The following LINGO2 variants were observed in gnomAD, a reference collection of about 807,000 sequenced individuals.
LINGO2 encodes the protein leucine-rich repeat and immunoglobulin-like domain-containing nogo receptor-interacting protein 2.
A neutral mutation model predicts 30.6 loss-of-function variants in LINGO2; 14 were observed. The ratio of observed to expected loss-of-function variants is 0.46; its 90% CI spans 0.30 to 0.72. LINGO2 has a LOEUF of 0.72. LINGO2 is among the 30% of genes least tolerant of loss of function. The pLI, the probability that LINGO2 is intolerant of heterozygous loss-of-function variation, is 0.07. For synonymous variants in LINGO2, 317 were observed against 288.5 expected (o/e 1.10, Z -1.00); for missense variants, 729 against 751.7 (o/e 0.97, Z 0.35).
At chr9:28,761,681 G>A in the LINGO2 span, among the ~76,000 whole-genome samples, 16 of 151,916 alleles carry the variant, frequency 1.1e-4, no homozygotes, top group Non-Finnish European at 2.2e-4. Context: ...ATCTTATAGT[G>A]ATAACCTTAT....
At chr9:29,180,308 A>G in the LINGO2 span, among the ~76,000 whole-genome samples, 117 of 152,330 alleles carry the variant, frequency 7.7e-4, no homozygotes, top group Admixed American at 1.5e-3. Context: ...GAATGCATAT[A>G]TGCATCTATT....
chr9:28,267,718 C>T (rs1324391719), intron 4 of LINGO2, among the ~76,000 whole-genome samples: 1 of 151,940 alleles, frequency 6.6e-6, no homozygotes, highest in Non-Finnish European at 1.5e-5. Context: ...GGACTTTCTT[C>T]GTACGCCAAA....
At chr9:28,025,020 T>C (rs1255549084) in intron 4 of LINGO2, among the ~76,000 whole-genome samples, 1 of 152,212 alleles carries the variant, frequency 6.6e-6, no homozygotes, top group East Asian at 1.9e-4. Context: ...TCAAAGGCAG[T>C]AATCATTTCA....
chr9:29,114,808 G>T, the LINGO2 span, among the ~76,000 whole-genome samples: 5 of 151,598 alleles, frequency 3.3e-5, no homozygotes, highest in East Asian at 9.7e-4. Flanking sequence ...TACCATTGTT[G>T]GACATTTGGG....
chr9:28,673,046 AGTT>A (rs920288195), upstream of LINGO2, among the ~76,000 whole-genome samples: 1 of 152,136 alleles, frequency 6.6e-6, no homozygotes, highest in African/African-American at 2.4e-5. Flanking sequence ...TGAATAAAGA[AGTT>A]GGGTGAAATG....
chr9:28,246,940 G>T lies in LINGO2; in HGVS notation c.-87+48268C>A, dbSNP rs184174553. ...AAACAAACAACCCTTTTTCAAAGTGGGCAAAGGATATGAACAGACACTTCT... is the reference window on the plus strand; with the variant it reads ...AAACAAACAACCCTTTTTCAAAGTGTGCAAAGGATATGAACAGACACTTCT... On this transcript the variant is annotated intron_variant, in intron 4 of 5. Transcript: ENST00000379992. 1.7e-4 allele frequency among the ~76,000 whole-genome samples: 26 copies of T among 152,060 alleles called. No individual in the cohort carries two copies. In the East Asian group the frequency reaches 5.0e-3, roughly 29 times the overall value.
chr9:28,671,729 T>G (rs956614688), upstream of LINGO2, among the ~76,000 whole-genome samples: 1 of 151,842 alleles, frequency 6.6e-6, no homozygotes, highest in South Asian at 2.1e-4. Context: ...AAGAAGCCCA[T>G]GTGACACGCA....
At chr9:28,292,771 T>C (rs926817908) in intron 4 of LINGO2, among the ~76,000 whole-genome samples, 2 of 150,804 alleles carry the variant, frequency 1.3e-5, no homozygotes, top group East Asian at 2.0e-4. Flanking sequence ...GCCCTGATTT[T>C]TTTCTTTCTT....
the LINGO2 span, among the ~76,000 whole-genome samples, chr9:28,691,736 A>G: frequency 6.6e-6 from 1 of 152,162 alleles, no homozygotes. Flanking sequence ...TCATATCTCC[A>G]TGTAGACTTT....
the LINGO2 span, among the ~76,000 whole-genome samples, chr9:29,011,037 GAAC>G: frequency 6.6e-6 from 1 of 152,088 alleles, no homozygotes; most frequent in Non-Finnish European, 1.5e-5. Flanking sequence ...TGTAGAATGG[GAAC>G]AACATTTATC....
intron 1 of LINGO2, among the ~76,000 whole-genome samples, chr9:28,659,063 A>G (rs964982518): frequency 1.8e-4 from 27 of 152,162 alleles, no homozygotes; most frequent in African/African-American, 6.3e-4. Flanking sequence ...TAGGTCTAAA[A>G]TTATGCTACA....
intron 4 of LINGO2, among the ~76,000 whole-genome samples, chr9:28,052,951 T>C (rs1415487828): frequency 6.7e-6 from 1 of 149,036 alleles, no homozygotes; most frequent in Non-Finnish European, 1.5e-5. Context: ...ATTTAAGACA[T>C]TGAGCATCCA....
At chr9:28,480,200 T>C (rs1250443883) in intron 1 of LINGO2, among the ~76,000 whole-genome samples, 2 of 151,796 alleles carry the variant, frequency 1.3e-5, no homozygotes, top group East Asian at 1.9e-4. Context: ...AATGGGTTAG[T>C]ATGGCTCTTT....
chr9:28,233,061 T>TATATATATATATATAAAA (rs60875467), intron 4 of LINGO2, among the ~76,000 whole-genome samples: 8 of 118,830 alleles, frequency 6.7e-5, no homozygotes, highest in African/African-American at 2.9e-4. Context: ...TATATATATA[T>TATATATATATATATAAAA]TAGATATATA....
Position 27,949,774 on chromosome 9 carries a change from G to A in LINGO2, c.898C>T (p.Gln300Ter). The change falls in exon 6 of 6, where the codon CAG (glutamine) becomes TAG (stop). Residue 300 changes from glutamine (Q) to a stop codon, truncating the protein, a stop_gained. Coordinates refer to ENST00000379992, the Ensembl canonical transcript of LINGO2. LOFTEE classifies it high-confidence loss of function. ...TGGGCCCCCACTATATGAAGCTCCT[G>A]AAGGCGGATCAGGTCAGAGAACATG... 1.9e-6 allele frequency: 3 copies of A among 1,614,164 alleles called. No homozygotes were observed. The highest frequency in any genetic ancestry group is 2.5e-6 in the Non-Finnish European group (3 of 1,180,014).
intron 5 of LINGO2, among the ~76,000 whole-genome samples, chr9:27,974,610 A>G (rs1450891915): frequency 6.6e-6 from 1 of 152,128 alleles, no homozygotes; most frequent in Non-Finnish European, 1.5e-5. Flanking sequence ...AGGGCTTGTT[A>G]TAACTTCAAG....
the LINGO2 span, among the ~76,000 whole-genome samples, chr9:29,138,151 T>C: frequency 5.3e-5 from 8 of 152,034 alleles, no homozygotes; most frequent in Non-Finnish European, 1.0e-4. Context: ...AACAGTACTA[T>C]ATGAAAATAA....
intron 4 of LINGO2, among the ~76,000 whole-genome samples, chr9:28,086,488 A>G (rs12378711): frequency 0.088 from 13,333 of 152,104 alleles, 825 homozygotes; most frequent in Middle Eastern, 0.18. Flanking sequence ...CAAAGAATAT[A>G]TTTCTGGGCA....
At chr9:29,153,434 G>A in the LINGO2 span, among the ~76,000 whole-genome samples, 40 of 152,092 alleles carry the variant, frequency 2.6e-4, no homozygotes, top group Admixed American at 7.9e-4. Context: ...CGTAATTTTG[G>A]ATGGAAATTA....
Sources: gnomAD v4.1 joint callset for allele counts (sites outside exome capture counted in the v4.1 genomes callset) on GRCh38, gnomAD v4.1.1 for gene constraint, MANE v1.5 for transcripts, NCBI Gene and HGNC (gene_info 2026-07-23, HGNC 2026-07-21) for gene names.